The following NOS1 variants were observed in gnomAD, a reference collection of about 807,000 sequenced individuals.
The protein encoded by NOS1 is nitric oxide synthase 1, also known as NOS type I.
In NOS1, 51 loss-of-function variants were observed where a neutral mutation model predicts 164.5. That is an observed-to-expected ratio of 0.31 (90% CI 0.25 to 0.39). NOS1 has a LOEUF of 0.39. Ranked by LOEUF, NOS1 falls within the 10% of genes least tolerant of loss-of-function variation. The probability of loss-of-function intolerance (pLI) is 1.00; values close to 1 mark genes in which losing one functional copy is unlikely to be tolerated. For synonymous variants in NOS1, 719 were observed against 745.8 expected (o/e 0.96, Z 0.59); for missense variants, 1,362 against 1,885.6 (o/e 0.72, Z 5.14).
intron 1 of NOS1, among the ~76,000 whole-genome samples, chr12:117,360,651 C>T (rs1786061838): frequency 6.6e-6 from 1 of 152,200 alleles, no homozygotes; most frequent in Non-Finnish European, 1.5e-5. Flanking sequence ...GTTCCGGGAG[C>T]GGAGCCCTCC....
Position 117,208,859 on chromosome 12 carries a change from A to C in NOS1, c.*6450T>G. 3.2e-6 allele frequency: 2 copies of C among 624,094 alleles called. No homozygotes were observed. Among genetic ancestry groups the C allele is most frequent in the Non-Finnish European group, 4.0e-6 (2 of 499,922 alleles). 38.7% of individuals were successfully genotyped at this position (624,094 alleles called of 1,614,324 possible). On this transcript the variant is annotated 3_prime_UTR_variant, in exon 29 of 29. Coordinates refer to ENST00000317775, the MANE Select transcript of NOS1 (RefSeq NM_000620.5). ...TGCCTCAGCCTCCCGAGTAGATGGG[A>C]TTACAGATGCCCGCCACCACGCCGG...
At chr12:117,269,635 G>A (rs1037190509) in intron 10 of NOS1, among the ~76,000 whole-genome samples, 1 of 151,808 alleles carries the variant, frequency 6.6e-6, no homozygotes, top group African/African-American at 2.4e-5. Flanking sequence ...GTCCAGCTAA[G>A]TTTTGTAATT....
intron 16 of NOS1, 35 bp from the exon 17 acceptor site, chr12:117,253,789 C>T (rs771706928): frequency 1.4e-5 from 20 of 1,450,742 alleles, no homozygotes; most frequent in Non-Finnish European, 1.7e-5. Flanking sequence ...GAGCTCTGGC[C>T]TGGAGCTCCC....
chr12:117,271,859 C>T (rs183689262), intron 10 of NOS1, among the ~76,000 whole-genome samples: 206 of 152,304 alleles, frequency 1.4e-3, no homozygotes, highest in African/African-American at 4.2e-3. Context: ...GACCCTCTGC[C>T]GAGAAATGCT....
At chr12:117,309,135 A>G (rs921116560) in intron 3 of NOS1, among the ~76,000 whole-genome samples, 2 of 152,232 alleles carry the variant, frequency 1.3e-5, no homozygotes, top group African/African-American at 4.8e-5. Context: ...AAAATATAGA[A>G]GAGCTTTAAA....
At chr12:117,290,835 G>A (rs1002893506) in intron 3 of NOS1, among the ~76,000 whole-genome samples, 3 of 152,100 alleles carry the variant, frequency 2.0e-5, no homozygotes, top group African/African-American at 7.2e-5. Context: ...AAGCTGGGTC[G>A]ATTTACTTGG....
intron 23 of NOS1, 22 bp downstream of exon 23, chr12:117,227,409 C>G (rs1461340064): frequency 3.7e-6 from 6 of 1,611,982 alleles, no homozygotes; most frequent in Non-Finnish European, 5.1e-6. Context: ...GCTGAGGAGG[C>G]TCTCCCAGTG....
At chr12:117,273,898 T>TTCAGGATATA (rs1222720013) in intron 9 of NOS1, among the ~76,000 whole-genome samples, 2 of 108,130 alleles carry the variant, frequency 1.8e-5, no homozygotes, top group African/African-American at 6.7e-5. Flanking sequence ...TCAGGGAAAT[T>TTCAGGATATA]GGTCTGGGAA....
At chr12:117,343,070 T>G (rs73409542) in intron 1 of NOS1, among the ~76,000 whole-genome samples, 6,252 of 152,010 alleles carry the variant, frequency 0.041, 291 homozygotes, top group South Asian at 0.22. Context: ...GCTGGATGCC[T>G]GTAATCCCAG....
chr12:117,260,769 G>A (rs538971263), intron 13 of NOS1, among the ~76,000 whole-genome samples, 160 bp from the exon 14 acceptor site: 5 of 152,314 alleles, frequency 3.3e-5, no homozygotes, highest in African/African-American at 1.2e-4. Context: ...GGCACTTGAA[G>A]TCTTTGTGTT....
intron 4 of NOS1, among the ~76,000 whole-genome samples, chr12:117,288,871 T>C (rs1229244912): frequency 6.6e-6 from 1 of 152,170 alleles, no homozygotes; most frequent in Non-Finnish European, 1.5e-5. Context: ...GGTTGAGTTA[T>C]CTCAGCCAGG....
Position 117,272,182 on chromosome 12 carries a change from G to A in NOS1, c.1839+203C>T, listed in dbSNP as rs1176947557. ...CGGATGCTGTTAGCACGTGCTATGT[G>A]CTATGTGCGTGTTTGCTGTTATTTT... On this transcript the variant is annotated intron_variant, in intron 10 of 28. Coordinates refer to ENST00000317775, the MANE Select transcript of NOS1 (RefSeq NM_000620.5). This position sits in a 1 kb window ranked among gnomAD's most constrained non-coding sequence, Gnocchi z 4.3. Among the ~76,000 whole-genome samples, 2 of 152,176 alleles carry A rather than the reference G, an allele frequency of 1.3e-5. No homozygotes were observed. The highest frequency in any genetic ancestry group is 4.1e-4 in the South Asian group (2 of 4,826).
intron 20 of NOS1, among the ~76,000 whole-genome samples, chr12:117,237,939 C>T (rs920171900): frequency 6.6e-6 from 1 of 151,984 alleles, no homozygotes; most frequent in African/African-American, 2.4e-5. Context: ...TCAGACAGGA[C>T]GGTCAGGGAG....
rs1283394364 is a variant in NOS1, at chr12:117,356,038, C to G, written c.-421+5474G>C. Among the ~76,000 whole-genome samples, 3 of 152,208 alleles carry G rather than the reference C, an allele frequency of 2.0e-5. No homozygotes were observed. Among genetic ancestry groups the G allele is most frequent in the Non-Finnish European group, 4.4e-5 (3 of 68,040 alleles). Reference sequence around the variant, plus strand: ...AAGTGTTGGGATTACAGGCGTGAGCCACTGTGTCTGGCTGGCTCTTTTTAA... The same window carrying G: ...AAGTGTTGGGATTACAGGCGTGAGCGACTGTGTCTGGCTGGCTCTTTTTAA... On this transcript the variant is annotated intron_variant, in intron 1 of 28. Coordinates refer to ENST00000317775, the MANE Select transcript of NOS1 (RefSeq NM_000620.5). This position sits in a 1 kb window ranked among gnomAD's most constrained non-coding sequence, Gnocchi z 4.2.
At chr12:117,257,651 G>C (rs1185862549) in intron 16 of NOS1, among the ~76,000 whole-genome samples, 3 of 138,918 alleles carry the variant, frequency 2.2e-5, no homozygotes, top group Non-Finnish European at 4.5e-5. Context: ...TGGCTGTTCA[G>C]GCTGGCCTCA....
Position 117,268,062 on chromosome 12 carries a change from G to A in NOS1, c.1922C>T (p.Ala641Val), listed in dbSNP as rs1872549357. 1.2e-6 allele frequency: 2 copies of A among 1,613,508 alleles called. No individual in the cohort carries two copies. The highest frequency in any genetic ancestry group is 8.5e-7 in the Non-Finnish European group (1 of 1,179,536). The stretch of plus-strand genomic sequence containing the variant: ...TGTTACCTGGAAGCTATAGAGAACC[G>A]CGATATTGATCTCCACCAGCGCCTG... Reference protein sequence around the residue: ...KDQALVEINIAVLYSFQSDKV... With the variant: ...KDQALVEINIVVLYSFQSDKV... Residue 641 changes from alanine to valine, a missense_variant, in exon 11 of 29, where the codon GCG becomes GTG. Ala to Val is a moderately conservative substitution (Grantham distance 64). This residue lies in a region of NOS1 where 134 missense variants were observed against 267.3 expected (regional missense o/e 0.50). Coordinates refer to ENST00000317775, the MANE Select transcript of NOS1 (RefSeq NM_000620.5).
intron 1 of NOS1, among the ~76,000 whole-genome samples, chr12:117,333,537 G>C (rs188934302): frequency 6.6e-6 from 1 of 152,156 alleles, no homozygotes; most frequent in African/African-American, 2.4e-5. Flanking sequence ...CAATGGGGGG[G>C]TGTGTGGGGG....
At chr12:117,284,005 G>A (rs969338991) in intron 7 of NOS1, among the ~76,000 whole-genome samples, 1 of 152,064 alleles carries the variant, frequency 6.6e-6, no homozygotes, top group African/African-American at 2.4e-5. Context: ...TCTTGGGAAA[G>A]ACACCTAAAT....
At chr12:117,345,975 T>C (rs1876331478) in intron 1 of NOS1, among the ~76,000 whole-genome samples, 1 of 152,214 alleles carries the variant, frequency 6.6e-6, no homozygotes, top group Non-Finnish European at 1.5e-5. Context: ...GAAGCAGCCC[T>C]GTGAGAGGTG....
Sources: allele counts gnomAD v4.1 joint callset (sites outside exome capture counted in the v4.1 genomes callset), GRCh38; gene constraint gnomAD v4.1.1; regional missense constraint gnomAD v4.1.1; non-coding constraint Gnocchi (gnomAD v3.1); transcripts MANE v1.5; gene names NCBI Gene and HGNC (gene_info 2026-07-23, HGNC 2026-07-21).